Variants in KIAA0825 observed in about 807,000 individuals in gnomAD.
KIAA0825 encodes the protein uncharacterized protein KIAA0825.
A neutral mutation model predicts 147.6 loss-of-function variants in KIAA0825; 119 were observed. The observed-to-expected ratio is 0.81, with a 90% CI of 0.69 to 0.94. The LOEUF (loss-of-function observed/expected upper bound fraction) is 0.94, where lower values mean the gene tolerates loss of function less well. Ranked by LOEUF, KIAA0825 falls within the 40% of genes least tolerant of loss-of-function variation. KIAA0825 has a pLI of 0.00. For synonymous variants in KIAA0825, 470 were observed against 518.1 expected (o/e 0.91, Z 1.26); for missense variants, 1,381 against 1,472.7 (o/e 0.94, Z 1.02).
rs545943328 is a variant in KIAA0825, at chr5:94,564,214, G to GTT, written c.-2+18217_-2+18218dup. ...AGCTCTTTTTCTTTCTATTCCCCTT[G>GTT]TTTTTTTTTTTTTTTTTTTGCAGAC... On this transcript the variant is annotated intron_variant, in intron 2 of 20. Coordinates refer to ENST00000682413, the MANE Select transcript of KIAA0825 (RefSeq NM_001145678.3). Among the ~76,000 whole-genome samples the GTT allele has an allele frequency of 7.0e-3, 740 of 105,168 alleles. 19 individuals carry two copies. Among genetic ancestry groups the GTT allele is most frequent in the Middle Eastern group, 0.012 (2 of 172 alleles). The allele number at this position is 105,168 out of a possible 152,430, so 69.0% of individuals were successfully genotyped here. A position where few individuals can be genotyped will look rare whatever the true frequency, so the allele number is the denominator to read the frequency against.
chr5:94,237,123 C>T (rs926568288), intron 20 of KIAA0825, among the ~76,000 whole-genome samples: 3 of 151,788 alleles, frequency 2.0e-5, no homozygotes, highest in African/African-American at 7.3e-5. Context: ...GCAGATCTCA[C>T]AGATTATTGT....
chr5:94,240,759 A>G (rs1775303561), intron 20 of KIAA0825, among the ~76,000 whole-genome samples: 2 of 152,216 alleles, frequency 1.3e-5, no homozygotes, highest in Admixed American at 1.3e-4. Flanking sequence ...TTAAGTGAGC[A>G]AATGATTCCC....
intron 20 of KIAA0825, among the ~76,000 whole-genome samples, chr5:94,240,134 A>G (rs570417062): frequency 1.3e-5 from 2 of 152,356 alleles, no homozygotes; most frequent in African/African-American, 4.8e-5. Context: ...TCCTTAACCA[A>G]TTAAACTGCA....
intron 20 of KIAA0825, among the ~76,000 whole-genome samples, chr5:94,277,934 TA>T (rs1438411132): frequency 6.6e-6 from 1 of 152,096 alleles, no homozygotes; most frequent in Non-Finnish European, 1.5e-5. Context: ...TATGCAGTCA[TA>T]AAAAGGACGA....
rs371261446 is a variant in KIAA0825, at chr5:94,288,107, A to G, written c.3710+96261T>C. Among the ~76,000 whole-genome samples the G allele has an allele frequency of 5.8e-4, 89 of 152,276 alleles. 1 individual carries two copies. The highest frequency in any genetic ancestry group is 2.0e-3 in the African/African-American group (84 of 41,572). ...GGCTAAAGGCCCTGAGGTCAACCCAATTCTGCTTTCACCCAAAGTTTTTGA... is the reference window on the plus strand; with the variant it reads ...GGCTAAAGGCCCTGAGGTCAACCCAGTTCTGCTTTCACCCAAAGTTTTTGA... On this transcript the variant is annotated intron_variant, in intron 20 of 20. Coordinates refer to ENST00000682413, the MANE Select transcript of KIAA0825 (RefSeq NM_001145678.3).
intron 20 of KIAA0825, among the ~76,000 whole-genome samples, chr5:94,207,953 T>C (rs1031424078): frequency 2.6e-5 from 4 of 152,236 alleles, no homozygotes; most frequent in African/African-American, 7.2e-5. Context: ...TTAATCATCA[T>C]ACAGAGCTAT....
intron 20 of KIAA0825, among the ~76,000 whole-genome samples, chr5:94,303,413 G>A (rs17083546): frequency 6.2e-5 from 6 of 96,974 alleles, no homozygotes; most frequent in Non-Finnish European, 1.6e-4. Context: ...CAATGAAAAA[G>A]AAACAAACCA....
At chr5:94,404,204 T>C (rs1355052327) in intron 15 of KIAA0825, among the ~76,000 whole-genome samples, 1 of 152,098 alleles carries the variant, frequency 6.6e-6, no homozygotes, top group African/African-American at 2.4e-5. Flanking sequence ...AAAATAAAAA[T>C]CAATCAAAAT....
intron 2 of KIAA0825, among the ~76,000 whole-genome samples, chr5:94,553,020 T>G (rs2152264215): frequency 6.6e-6 from 1 of 152,334 alleles, no homozygotes; most frequent in South Asian, 2.1e-4. Context: ...AGTTAGGAAA[T>G]GTTCCCAACA....
intron 3 of KIAA0825, among the ~76,000 whole-genome samples, chr5:94,525,270 T>C (rs1584776215): frequency 6.6e-6 from 1 of 151,912 alleles, no homozygotes; most frequent in African/African-American, 2.4e-5. Context: ...GCGCTCATTA[T>C]TAAAATAGAT....
In KIAA0825 at chr5:94,496,584, T is replaced by C. The variant is rs113350827; in HGVS notation, c.971-11654A>G. Among the ~76,000 whole-genome samples the C allele has an allele frequency of 2.5e-3, 374 of 152,248 alleles. 1 individual carries two copies. The highest frequency in any genetic ancestry group is 3.9e-3 in the Non-Finnish European group (266 of 68,006). On this transcript the variant is annotated intron_variant, in intron 5 of 20. Transcript: ENST00000682413. ...ACCTGATAGCAATAATGTACCCATA[T>C]CCTTCGAATGCACCCGTGTGGCAGA...
At chr5:94,222,809 G>C (rs1583895849) in intron 20 of KIAA0825, among the ~76,000 whole-genome samples, 2 of 151,706 alleles carry the variant, frequency 1.3e-5, no homozygotes, top group Middle Eastern at 6.8e-3. Context: ...ATTATTTTTT[G>C]GTAAAAATCA....
chr5:94,184,639 G>GT (rs1035377441), intron 20 of KIAA0825, among the ~76,000 whole-genome samples: 3 of 152,032 alleles, frequency 2.0e-5, no homozygotes, highest in African/African-American at 7.2e-5. Context: ...TTATGCACAG[G>GT]TTTTGTGCTA....
intron 20 of KIAA0825, among the ~76,000 whole-genome samples, chr5:94,329,125 T>C (rs1781007844): frequency 6.6e-6 from 1 of 152,096 alleles, no homozygotes; most frequent in South Asian, 2.1e-4. Flanking sequence ...TTATTAAAGT[T>C]ATTTTGTTTT....
chr5:94,287,342 A>C (rs1777706295), intron 20 of KIAA0825, among the ~76,000 whole-genome samples: 1 of 152,184 alleles, frequency 6.6e-6, no homozygotes, highest in Non-Finnish European at 1.5e-5. Context: ...GACAATTAGC[A>C]CTTTACTAAA....
At chr5:94,442,007 G>A (rs963286820) in intron 13 of KIAA0825, among the ~76,000 whole-genome samples, 2 of 152,138 alleles carry the variant, frequency 1.3e-5, no homozygotes, top group Non-Finnish European at 2.9e-5. Context: ...ACTTTGTGAA[G>A]ACACTGGCTG....
chr5:94,378,033 A>G (rs1747834685), intron 20 of KIAA0825, among the ~76,000 whole-genome samples: 1 of 152,384 alleles, frequency 6.6e-6, no homozygotes, highest in East Asian at 1.9e-4. Flanking sequence ...ACTAAAAATA[A>G]AGACAAGCTT....
intron 9 of KIAA0825, among the ~76,000 whole-genome samples, chr5:94,470,755 CT>C (rs1361505029): frequency 1.3e-5 from 2 of 152,058 alleles, no homozygotes; most frequent in African/African-American, 2.4e-5. Context: ...ACACTGCTTT[CT>C]TTCATAACTA....
rs375964839 is a variant in KIAA0825 at position 94,341,265 on chromosome 5, G to T, written c.3710+43103C>A. ...TTCTTCATATCAGACAGAGAGTTTT[G>T]TTTAAAATTCCCATATAAGAACTTG... On this transcript the variant is annotated intron_variant, in intron 20 of 20. Coordinates refer to ENST00000682413, the MANE Select transcript of KIAA0825 (RefSeq NM_001145678.3). Among the ~76,000 whole-genome samples the T allele has an allele frequency of 1.1e-4, 16 of 152,142 alleles. 1 individual carries two copies. The highest frequency in any genetic ancestry group is 3.6e-4 in the African/African-American group (15 of 41,438).
Sources: gnomAD v4.1 joint callset for allele counts (sites outside exome capture counted in the v4.1 genomes callset) on GRCh38, gnomAD v4.1.1 for gene constraint, MANE v1.5 for transcripts, NCBI Gene and HGNC (gene_info 2026-07-23, HGNC 2026-07-21) for gene names.